EIPR1: variants seen among roughly 807,000 people sequenced by gnomAD.
EIPR1 encodes the protein EARP complex and GARP complex interacting protein 1.
A neutral mutation model predicts 48.1 loss-of-function variants in EIPR1; 25 were observed. The observed-to-expected ratio is 0.52, with a 90% confidence interval of 0.38 to 0.73. The LOEUF is 0.73. Among genes scored for constraint, EIPR1 ranks in the 30% least tolerant of loss-of-function variants. The probability of loss-of-function intolerance (pLI) is 0.00; values close to 1 mark genes in which losing one functional copy is unlikely to be tolerated. For synonymous variants in EIPR1, 204 were observed against 201.9 expected, an observed-to-expected ratio of 1.01 and a Z score of -0.09; for missense variants, 415 against 506.2, an observed-to-expected ratio of 0.82 and a Z score of 1.73.
At chr2:3,234,737 C>T (rs1417016180) in intron 4 of EIPR1, among the ~76,000 whole-genome samples, 2 of 152,270 alleles carry the variant, frequency 1.3e-5, no homozygotes, top group East Asian at 3.8e-4. Context: ...CCGCGGAAGC[C>T]TCTGCAGTCT....
chr2:3,349,164 G>A (rs1670493276), intron 2 of EIPR1, among the ~76,000 whole-genome samples: 1 of 152,244 alleles, frequency 6.6e-6, no homozygotes, highest in African/African-American at 2.4e-5. Flanking sequence ...AAAGGAGAGG[G>A]AAGCGAGCAG....
intron 5 of EIPR1, among the ~76,000 whole-genome samples, chr2:3,209,712 C>T (rs1665374657): frequency 6.6e-6 from 1 of 152,160 alleles, no homozygotes; most frequent in Admixed American, 6.6e-5. Context: ...GCTTTCAAGC[C>T]ATGAAAAGAC....
chr2:3,371,717 C>T (rs1406384714), intron 1 of EIPR1, among the ~76,000 whole-genome samples: 1 of 152,160 alleles, frequency 6.6e-6, no homozygotes, highest in Non-Finnish European at 1.5e-5. Flanking sequence ...TACAGGAGCA[C>T]CCAGATTCAT....
At chr2:3,198,530 T>C (rs571258212) in intron 5 of EIPR1, among the ~76,000 whole-genome samples, 32 of 152,326 alleles carry the variant, frequency 2.1e-4, no homozygotes, top group African/African-American at 7.5e-4. Flanking sequence ...CAGAGCCTTG[T>C]TATCGGGGGA....
At position 3,255,583 on chromosome 2, in the gene EIPR1, G is replaced by C. The variant is rs563483586; in HGVS notation, c.416+1716C>G. Among the ~76,000 whole-genome samples the C allele has an allele frequency of 3.3e-5, 5 of 152,332 alleles. No individual in the cohort carries two copies. The South Asian group carries it at 1.0e-3, about 32-fold the overall frequency. On this transcript the variant is annotated intron_variant, in intron 4 of 8. Coordinates refer to ENST00000382125, the MANE Select transcript of EIPR1 (RefSeq NM_003310.5). ...ACACACACCCATGTGGCCTGTCTTT[G>C]CATACAGTGTCTGCACAAGGTGGGA...
intron 3 of EIPR1, among the ~76,000 whole-genome samples, chr2:3,296,836 A>G (rs1668616569): frequency 6.6e-6 from 1 of 152,188 alleles, no homozygotes; most frequent in Non-Finnish European, 1.5e-5. Context: ...CACACTGCCC[A>G]TCCAGCTCTG....
intron 3 of EIPR1, among the ~76,000 whole-genome samples, chr2:3,336,373 C>A (rs11891721): frequency 6.6e-6 from 1 of 152,154 alleles, no homozygotes; most frequent in Admixed American, 6.5e-5. Flanking sequence ...CCCAACCTCC[C>A]GCTGGCAGGA....
chr2:3,360,655 T>C (rs1452534382), intron 1 of EIPR1, among the ~76,000 whole-genome samples: 1 of 152,222 alleles, frequency 6.6e-6, no homozygotes, highest in Non-Finnish European at 1.5e-5. Context: ...TGTATTCATT[T>C]GCTTACTAGG....
chr2:3,287,495 C>CGTTCACCACACTCCAGAAAGTTT (rs1668232032), intron 3 of EIPR1, among the ~76,000 whole-genome samples: 1 of 151,046 alleles, frequency 6.6e-6, no homozygotes, highest in Non-Finnish European at 1.5e-5. Flanking sequence ...CCAGAAAGTT[C>CGTTCACCACACTCCAGAAAGTTT]GTTCACCACA....
intron 4 of EIPR1, among the ~76,000 whole-genome samples, chr2:3,216,490 T>C (rs564438531): frequency 2.4e-5 from 3 of 123,848 alleles, no homozygotes; most frequent in African/African-American, 8.9e-5. Flanking sequence ...AGAGATTCCC[T>C]TCGCAACTAA....
chr2:3,289,464 A>G (rs1668302038), intron 3 of EIPR1, among the ~76,000 whole-genome samples: 1 of 152,058 alleles, frequency 6.6e-6, no homozygotes, highest in African/African-American at 2.4e-5. Context: ...GAACTGAGGG[A>G]CCACGGGATC....
intron 3 of EIPR1, among the ~76,000 whole-genome samples, chr2:3,309,600 T>C (rs1423645360): frequency 1.3e-5 from 2 of 152,028 alleles, no homozygotes; most frequent in African/African-American, 4.8e-5. Context: ...ATACGGCCTA[T>C]GCAGTCTACA....
At chr2:3,351,077 C>T (rs1670562331) in intron 2 of EIPR1, among the ~76,000 whole-genome samples, 2 of 150,990 alleles carry the variant, frequency 1.3e-5, no homozygotes, top group South Asian at 4.2e-4. Context: ...CGGCTCACTG[C>T]AACCTCCATC....
At chr2:3,330,454 CAG>C (rs1558302982) in intron 3 of EIPR1, among the ~76,000 whole-genome samples, 1 of 152,064 alleles carries the variant, frequency 6.6e-6, no homozygotes, top group Non-Finnish European at 1.5e-5. Context: ...GGCCACCACA[CAG>C]AGTGTCGCCG....
chr2:3,353,892 A>G (rs1403772037), intron 2 of EIPR1, among the ~76,000 whole-genome samples: 3 of 152,210 alleles, frequency 2.0e-5, no homozygotes, highest in Admixed American at 2.0e-4. Flanking sequence ...CATGTCTGAC[A>G]TGGCCTCCCG....
intron 4 of EIPR1, among the ~76,000 whole-genome samples, chr2:3,244,027 CCTCT>C (rs1223601048): frequency 6.6e-6 from 1 of 152,222 alleles, no homozygotes; most frequent in Admixed American, 6.5e-5. Context: ...CATGGTGTCT[CCTCT>C]CTAAGGCTGT....
chr2:3,211,897 A>C (rs1665470207), intron 5 of EIPR1, among the ~76,000 whole-genome samples: 1 of 152,214 alleles, frequency 6.6e-6, no homozygotes, highest in Non-Finnish European at 1.5e-5. Context: ...CTCTACCCTC[A>C]TCGGGGTCTG....
At chr2:3,252,479 T>A (rs10209235) in intron 4 of EIPR1, among the ~76,000 whole-genome samples, 6,125 of 152,174 alleles carry the variant, frequency 0.04, 141 homozygotes, top group South Asian at 0.074. Context: ...TAATCCCAGC[T>A]ACTCAGGAGG....
chr2:3,255,131 G>C (rs1302549286), intron 4 of EIPR1, among the ~76,000 whole-genome samples: 1 of 151,974 alleles, frequency 6.6e-6, no homozygotes, highest in Non-Finnish European at 1.5e-5. Context: ...GGCATTCCAA[G>C]GTAGATCTGA....
Sources: gnomAD v4.1 joint callset for allele counts (sites outside exome capture counted in the v4.1 genomes callset) on GRCh38, gnomAD v4.1.1 for gene constraint, MANE v1.5 for transcripts, NCBI Gene and HGNC (gene_info 2026-07-23, HGNC 2026-07-21) for gene names.